Variants in NELL1 observed in about 807,000 individuals in gnomAD.
NELL1 encodes the protein neural EGFL like 1.
A neutral mutation model predicts 107.4 loss-of-function variants in NELL1; 76 were observed. That is an observed-to-expected ratio of 0.71 (90% CI 0.59 to 0.86). NELL1 has a LOEUF of 0.86. NELL1 is among the 40% of genes least tolerant of loss of function. The pLI is 0.00. For missense variants in NELL1, 1,024 were observed against 1,005.5 expected, an observed-to-expected ratio of 1.02 and a Z score of -0.25; for synonymous variants, 353 against 341.2, an observed-to-expected ratio of 1.03 and a Z score of -0.38.
At chr11:20,873,610 G>A (rs146227310) in intron 4 of NELL1, among the ~76,000 whole-genome samples, 8 of 152,186 alleles carry the variant, frequency 5.3e-5, no homozygotes, top group African/African-American at 1.4e-4. Flanking sequence ...AAAGGTTTAC[G>A]GATGAAGAAA....
chr11:21,073,652 GTTA>G (rs1413902751), intron 12 of NELL1, among the ~76,000 whole-genome samples: 1 of 152,146 alleles, frequency 6.6e-6, no homozygotes, highest in African/African-American at 2.4e-5. Context: ...AGAACCAAAT[GTTA>G]TTATGAACAA....
intron 3 of NELL1, among the ~76,000 whole-genome samples, chr11:20,801,328 A>C (rs1357252781): frequency 1.3e-5 from 2 of 152,182 alleles, no homozygotes; most frequent in African/African-American, 4.8e-5. Flanking sequence ...CTCCCTCTCA[A>C]GGTTATACAG....
rs549212186 is a variant in NELL1 at position 20,872,171 on chromosome 11, A to ATTTT, written c.507-13257_507-13254dup. On this transcript the variant is annotated intron_variant, in intron 4 of 19. Transcript: ENST00000357134. ...ATACCAAATGAGTCCTCTATCAGAG[A>ATTTT]TTTTTTTTTTTTTTTTTTTGGAGAC... 2.6e-3 allele frequency among the ~76,000 whole-genome samples: 272 copies of ATTTT among 103,936 alleles called. 6 individuals are homozygous for ATTTT. Among genetic ancestry groups the ATTTT allele is most frequent in the African/African-American group, 6.9e-3 (212 of 30,736 alleles). The allele number at this position is 103,936 out of a possible 152,430, so 68.2% of individuals were successfully genotyped here. A position where few individuals can be genotyped will look rare whatever the true frequency, so the allele number is the denominator to read the frequency against.
intron 5 of NELL1, among the ~76,000 whole-genome samples, chr11:20,901,196 AT>A (rs1465680325): frequency 6.6e-6 from 1 of 152,132 alleles, no homozygotes; most frequent in Non-Finnish European, 1.5e-5. Context: ...TATATAAAAA[AT>A]GATCACCAAA....
intron 14 of NELL1, among the ~76,000 whole-genome samples, chr11:21,250,960 A>C (rs1858622790): frequency 6.6e-6 from 1 of 152,240 alleles, no homozygotes; most frequent in Non-Finnish European, 1.5e-5. Flanking sequence ...GTCCTGGCTC[A>C]GTCACTAAGC....
chr11:20,953,171 G>A (rs1851102111), intron 11 of NELL1, among the ~76,000 whole-genome samples: 1 of 152,296 alleles, frequency 6.6e-6, no homozygotes, highest in African/African-American at 2.4e-5. Context: ...GAATTTCAAG[G>A]TTGGGTAAGC....
chr11:21,203,850 A>G (rs530025464), intron 13 of NELL1, among the ~76,000 whole-genome samples: 1 of 152,208 alleles, frequency 6.6e-6, no homozygotes, highest in South Asian at 2.1e-4. Context: ...AAAGTATTTT[A>G]TTTCTCCTTT....
chr11:21,420,617 A>G (rs1852641200), intron 15 of NELL1, among the ~76,000 whole-genome samples: 1 of 152,166 alleles, frequency 6.6e-6, no homozygotes, highest in Non-Finnish European at 1.5e-5. Context: ...AGACGGCATG[A>G]AAATTTCTCT....
At chr11:20,673,113 C>A (rs906232863) in intron 1 of NELL1, among the ~76,000 whole-genome samples, 1 of 151,916 alleles carries the variant, frequency 6.6e-6, no homozygotes, top group Non-Finnish European at 1.5e-5. Context: ...CTGCCCGCCT[C>A]GGCTTCCCAA....
intron 12 of NELL1, among the ~76,000 whole-genome samples, chr11:21,071,361 A>C (rs975143892): frequency 2.0e-5 from 3 of 152,220 alleles, no homozygotes; most frequent in Admixed American, 6.6e-5. Context: ...AATGCATCTT[A>C]AGCAGTTGGC....
At chr11:21,375,438 TA>T (rs1851451976) in intron 15 of NELL1, among the ~76,000 whole-genome samples, 1 of 152,164 alleles carries the variant, frequency 6.6e-6, no homozygotes, top group African/African-American at 2.4e-5. Context: ...ATATTTTCTT[TA>T]TCCACTCCAC....
intron 14 of NELL1, among the ~76,000 whole-genome samples, chr11:21,288,203 A>G (rs1054738518): frequency 6.6e-6 from 1 of 152,120 alleles, no homozygotes; most frequent in Admixed American, 6.5e-5. Context: ...GGGAACTGGA[A>G]GAGCTAATCT....
intron 14 of NELL1, among the ~76,000 whole-genome samples, chr11:21,342,533 A>G (rs890063317): frequency 4.0e-5 from 6 of 151,630 alleles, no homozygotes; most frequent in African/African-American, 1.5e-4. Context: ...AGTTACAGCT[A>G]CCTGGGAGAC....
At chr11:21,259,963 A>G (rs891634911) in intron 14 of NELL1, 4 of 151,940 alleles carry the variant, frequency 2.6e-5, no homozygotes, top group Non-Finnish European at 5.9e-5. Flanking sequence ...CAAATATTTT[A>G]TTAATAAATC....
At chr11:21,265,623 C>T (rs1848619984) in intron 14 of NELL1, among the ~76,000 whole-genome samples, 1 of 151,976 alleles carries the variant, frequency 6.6e-6, no homozygotes, top group African/African-American at 2.4e-5. Flanking sequence ...TCTAGGACAA[C>T]ATCCAATAAG....
intron 12 of NELL1, among the ~76,000 whole-genome samples, chr11:21,051,564 T>A (rs1025732089): frequency 4.6e-5 from 7 of 151,714 alleles, no homozygotes; most frequent in African/African-American, 7.3e-5. Flanking sequence ...CTGAGAAAAA[T>A]AATAATAATA....
chr11:21,181,155 G>T (rs887866736), intron 13 of NELL1, among the ~76,000 whole-genome samples: 2 of 151,832 alleles, frequency 1.3e-5, no homozygotes, highest in African/African-American at 4.9e-5. Context: ...TCATCATTGA[G>T]ATTTTGCTGG....
At chr11:21,149,288 T>C (rs1013394767) in intron 13 of NELL1, among the ~76,000 whole-genome samples, 1 of 152,192 alleles carries the variant, frequency 6.6e-6, no homozygotes, top group South Asian at 2.1e-4. Flanking sequence ...AGGAATGGTG[T>C]ATTAGTCTGG....
chr11:21,249,074 C>T (rs529680099), intron 14 of NELL1, among the ~76,000 whole-genome samples: 48 of 152,252 alleles, frequency 3.2e-4, no homozygotes, highest in African/African-American at 1.2e-3. Context: ...CCTAGTTTTG[C>T]TTAACCCCAT....
Sources: gnomAD v4.1 joint callset for allele counts (sites outside exome capture counted in the v4.1 genomes callset) on GRCh38, gnomAD v4.1.1 for gene constraint, MANE v1.5 for transcripts, NCBI Gene and HGNC (gene_info 2026-07-23, HGNC 2026-07-21) for gene names.